Variants in ABCC11 observed in about 807,000 individuals in gnomAD.
ABCC11 encodes the protein ATP binding cassette subfamily C member 11, also known as ATP-binding cassette sub-family C member 11.
Under a neutral mutation model 149.3 loss-of-function variants are expected in ABCC11, and 135 were observed. The observed-to-expected ratio is 0.90, with a 90% confidence interval of 0.79 to 1.04. The LOEUF (loss-of-function observed/expected upper bound fraction) is 1.04. Ranked by LOEUF, ABCC11 falls within the 50% of genes least tolerant of loss-of-function variation. ABCC11 has a pLI of 0.00. For synonymous variants in ABCC11, 665 were observed against 671.4 expected (o/e 0.99, Z 0.15); for missense variants, 1,680 against 1,722.1 (o/e 0.98, Z 0.43).
chr16:48,184,865 C>T lies in ABCC11; in HGVS notation c.3072-239G>A, dbSNP rs905095449. 2.0e-4 allele frequency among the ~76,000 whole-genome samples: 30 copies of T among 152,240 alleles called. 1 individual carries two copies. Among genetic ancestry groups the T allele is most frequent in the Admixed American group, 1.7e-3 (26 of 15,280 alleles). On this transcript the variant is annotated intron_variant, in intron 22 of 29. Transcript: ENST00000356608. ...CTGCTGCTAAGGCCCATCCTTAGCA[C>T]GCGCTCCTCGCCTAACCTCTGTGAC... is the stretch of plus-strand genomic sequence containing the variant.
intron 1 of ABCC11, chr16:48,244,363 AG>A (rs1971209525): frequency 6.7e-7 from 1 of 1,492,372 alleles, no homozygotes. Context: ...TCTTTTTGAC[AG>A]CCCCCAGTGC....
intron 12 of ABCC11, among the ~76,000 whole-genome samples, chr16:48,207,812 G>A (rs536114157): frequency 6.6e-6 from 1 of 152,222 alleles, no homozygotes; most frequent in African/African-American, 2.4e-5. Flanking sequence ...GGGATGGAAT[G>A]GGGGGTTCAA....
chr16:48,186,926 T>G, intron 22 of ABCC11, 27 bp downstream of exon 22: 1 of 1,613,274 alleles, frequency 6.2e-7, no homozygotes, highest in African/African-American at 1.3e-5. Flanking sequence ...GGTTCCATCA[T>G]TCTCAAATGG....
chr16:48,247,227 A>G (rs1971448190), intron 1 of ABCC11, 87 bp downstream of exon 1: 1 of 152,244 alleles, frequency 6.6e-6, no homozygotes, highest in Non-Finnish European at 1.5e-5. Flanking sequence ...TAAAAAAAAA[A>G]AAAAAAAAAG....
At chr16:48,203,174 T>G (rs531462477) in intron 14 of ABCC11, 54 bp downstream of exon 14, 1 of 1,495,796 alleles carries the variant, frequency 6.7e-7, no homozygotes. Context: ...GGAGGCAGCA[T>G]GAACATAAGA....
intron 23 of ABCC11, among the ~76,000 whole-genome samples, chr16:48,182,141 G>A (rs1966474349): frequency 6.6e-6 from 1 of 152,202 alleles, no homozygotes; most frequent in South Asian, 2.1e-4. Flanking sequence ...CAGCATGGAG[G>A]ACTGATACAT....
intron 1 of ABCC11, among the ~76,000 whole-genome samples, chr16:48,245,588 C>G (rs1647402182): frequency 2.0e-5 from 3 of 152,142 alleles, no homozygotes; most frequent in South Asian, 2.1e-4. Flanking sequence ...ATTGAAAGTC[C>G]TATGTTTTAG....
At chr16:48,196,947 G>A (rs1186167460) in intron 17 of ABCC11, among the ~76,000 whole-genome samples, 1 of 150,958 alleles carries the variant, frequency 6.6e-6, no homozygotes. Flanking sequence ...TATTTCCTGG[G>A]GAACGGTGCT....
intron 20 of ABCC11, among the ~76,000 whole-genome samples, chr16:48,190,216 A>T (rs879356387): frequency 1.2e-4 from 19 of 152,276 alleles, no homozygotes; most frequent in African/African-American, 4.6e-4. Context: ...TAGACTATAC[A>T]TCCATGATGG....
intron 1 of ABCC11, chr16:48,244,285 C>A: frequency 1.3e-6 from 1 of 784,960 alleles, no homozygotes; most frequent in Non-Finnish European, 1.9e-6. Context: ...TAGCCGGAAG[C>A]GGAGGCGTGG....
intron 28 of ABCC11, 88 bp downstream of exon 28, chr16:48,170,017 G>A (rs1008144976): frequency 4.9e-5 from 46 of 944,594 alleles, no homozygotes; most frequent in South Asian, 6.0e-5. Flanking sequence ...AGTGTCCCAC[G>A]GTAGTGAAGG....
At chr16:48,241,383 C>T (rs61258375) in intron 1 of ABCC11, among the ~76,000 whole-genome samples, 2,701 of 152,166 alleles carry the variant, frequency 0.018, 96 homozygotes, top group African/African-American at 0.062. Flanking sequence ...CACTGCTCAA[C>T]GAAATAAAAG....
At chr16:48,186,563 A>C (rs1966757004) in intron 22 of ABCC11, among the ~76,000 whole-genome samples, 1 of 152,220 alleles carries the variant, frequency 6.6e-6, no homozygotes, top group Non-Finnish European at 1.5e-5. Flanking sequence ...GTAGTGAAGG[A>C]AGTTCTATTA....
In ABCC11 at chr16:48,200,380, G is replaced by T; in HGVS notation, c.1978C>A (p.Pro660Thr). 3 of 1,614,254 alleles carry T rather than the reference G, an allele frequency of 1.9e-6. No homozygotes were observed. Among genetic ancestry groups the T allele is most frequent in the Non-Finnish European group, 2.5e-6 (3 of 1,180,048 alleles). Reference protein sequence around the residue: ...SDRQIYLLDDPLSAVDAHVGK... With the variant: ...SDRQIYLLDDTLSAVDAHVGK... ...ACGTGGGCGTCCACAGCAGACAGGG[G>T]GTCGTCCAGCAGGTAGATCTGACGG... The change falls in exon 15 of 30, where the codon CCC (proline) becomes ACC (threonine). Residue 660 changes from proline (P) to threonine (T), a missense_variant. Pro to Thr is a conservative substitution (Grantham distance 38, BLOSUM62 -1). Coordinates refer to ENST00000356608, the MANE Select transcript of ABCC11 (RefSeq NM_001370497.1).
chr16:48,227,687 C>T, intron 4 of ABCC11, 119 bp downstream of exon 4: 4 of 1,334,212 alleles, frequency 3.0e-6, no homozygotes, highest in South Asian at 1.2e-5. Flanking sequence ...CCTCTTCCTA[C>T]AGGAAGAGCC....
intron 26 of ABCC11, among the ~76,000 whole-genome samples, chr16:48,174,356 G>C (rs974831976): frequency 6.6e-6 from 1 of 152,154 alleles, no homozygotes; most frequent in East Asian, 1.9e-4. Flanking sequence ...ATGAAGCTCT[G>C]GGGTTCAGTT....
chr16:48,191,549 C>T (rs752932451), intron 20 of ABCC11, among the ~76,000 whole-genome samples: 6 of 152,186 alleles, frequency 3.9e-5, no homozygotes, highest in Non-Finnish European at 8.8e-5. Context: ...GTACTTTCAT[C>T]TCAATTTTTC....
intron 22 of ABCC11, among the ~76,000 whole-genome samples, chr16:48,185,035 G>A (rs1413000082): frequency 1.3e-5 from 2 of 152,316 alleles, no homozygotes; most frequent in South Asian, 2.1e-4. Flanking sequence ...GGGGAGCCTG[G>A]AGCCACCAGA....
chr16:48,206,822 C>T (rs752463658), intron 12 of ABCC11, among the ~76,000 whole-genome samples: 1 of 152,188 alleles, frequency 6.6e-6, no homozygotes, highest in Non-Finnish European at 1.5e-5. Context: ...CAGAACCTCA[C>T]GTACTCATCT....
Sources: allele counts gnomAD v4.1 joint callset (sites outside exome capture counted in the v4.1 genomes callset), GRCh38; gene constraint gnomAD v4.1.1; transcripts MANE v1.5; gene names NCBI Gene and HGNC (gene_info 2026-07-23, HGNC 2026-07-21).